The following EYS variants were observed in gnomAD, a reference collection of about 807,000 sequenced individuals.
EYS encodes EGF-like photoreceptor maintenance factor.
In EYS, 250 loss-of-function variants were observed where a neutral mutation model predicts 282.1. The ratio of observed to expected loss-of-function variants is 0.89; its 90% CI spans 0.80 to 0.98. EYS has a LOEUF of 0.98. Among genes scored for constraint, EYS ranks in the 50% least tolerant of loss-of-function variants. The probability of loss-of-function intolerance (pLI) is 0.00; values close to 1 mark genes in which losing one functional copy is unlikely to be tolerated. For synonymous variants in EYS, 1,355 were observed against 1,282.9 expected (o/e 1.06, Z -1.20); for missense variants, 4,016 against 3,709.0 (o/e 1.08, Z -2.15).
intron 22 of EYS, among the ~76,000 whole-genome samples, chr6:64,683,820 A>G (rs1206994562): frequency 6.6e-6 from 1 of 152,190 alleles, no homozygotes; most frequent in Non-Finnish European, 1.5e-5. Context: ...AAATTCCACT[A>G]GGGTTGGGAC....
intron 34 of EYS, among the ~76,000 whole-genome samples, chr6:63,996,125 A>G (rs1482934333): frequency 6.6e-6 from 1 of 152,028 alleles, no homozygotes; most frequent in Non-Finnish European, 1.5e-5. Flanking sequence ...ATATGTGTAG[A>G]TATTATGGAA....
chr6:64,996,310 G>GTGA (rs1338742909), intron 14 of EYS, among the ~76,000 whole-genome samples: 4 of 152,112 alleles, frequency 2.6e-5, no homozygotes, highest in African/African-American at 7.2e-5. Flanking sequence ...GTAGTTAATA[G>GTGA]TGATAGTCTA....
At chr6:64,908,088 G>C (rs1213436455) in intron 16 of EYS, among the ~76,000 whole-genome samples, 1 of 152,172 alleles carries the variant, frequency 6.6e-6, no homozygotes, top group Admixed American at 6.5e-5. Context: ...CATCCCTTGT[G>C]CATATTTCTG....
In EYS at chr6:65,494,944, G is replaced by C. The variant is rs1338110381; in HGVS notation, c.467C>G (p.Pro156Arg). Residue 156 changes from proline to arginine, a missense_variant, in exon 4 of 43, where the codon CCA (proline) becomes CGA (arginine). Transcript: ENST00000503581. ...HYFITVMASG[P>R]SPCPLGLRLN... ...TCGAAGTCCCAGTGGACAAGGTGAT[G>C]GACCACTTGCCATAACTGTGATAAA... The C allele has an allele frequency of 2.5e-6, 4 of 1,614,112 alleles. No individual in the cohort carries two copies. In the South Asian group the frequency reaches 4.4e-5, roughly 18 times the overall value.
intron 15 of EYS, among the ~76,000 whole-genome samples, chr6:64,933,170 G>A (rs967514958): frequency 9.2e-5 from 14 of 152,054 alleles, no homozygotes; most frequent in African/African-American, 3.4e-4. Flanking sequence ...ATTAAGGAAA[G>A]TAGGAGATTG....
intron 33 of EYS, among the ~76,000 whole-genome samples, chr6:64,041,301 A>T (rs889534521): frequency 6.6e-6 from 1 of 152,170 alleles, no homozygotes; most frequent in Non-Finnish European, 1.5e-5. Flanking sequence ...GAACTAAAGT[A>T]GACTAAAATA....
chr6:65,601,381 G>A (rs2149790210), intron 2 of EYS, among the ~76,000 whole-genome samples: 1 of 151,840 alleles, frequency 6.6e-6, no homozygotes, highest in East Asian at 1.9e-4. Context: ...CCTCTTATCA[G>A]TCCCCATACA....
intron 26 of EYS, among the ~76,000 whole-genome samples, chr6:64,582,417 A>G (rs34110331): frequency 0.1 from 15,359 of 152,100 alleles, 931 homozygotes; most frequent in East Asian, 0.17. Flanking sequence ...CTAGCCCCCC[A>G]TGGAAAAACT....
chr6:64,021,283 C>T (rs183468648), intron 33 of EYS, among the ~76,000 whole-genome samples: 21 of 152,124 alleles, frequency 1.4e-4, no homozygotes, highest in Admixed American at 4.6e-4. Context: ...CTGGATTCAA[C>T]GCCACACATG....
intron 2 of EYS, among the ~76,000 whole-genome samples, chr6:65,504,762 T>C (rs1344564433): frequency 6.6e-6 from 1 of 151,598 alleles, no homozygotes; most frequent in Non-Finnish European, 1.5e-5. Flanking sequence ...TTTATTTCTA[T>C]AATAAATAAA....
chr6:63,769,244 T>TTAGC (rs1315420950), intron 40 of EYS, among the ~76,000 whole-genome samples: 2 of 152,040 alleles, frequency 1.3e-5, no homozygotes, highest in Non-Finnish European at 2.9e-5. Flanking sequence ...AACCCCACTT[T>TTAGC]TAGCTAGACT....
chr6:64,377,378 G>A (rs1419371789), intron 29 of EYS, among the ~76,000 whole-genome samples: 1 of 152,108 alleles, frequency 6.6e-6, no homozygotes, highest in Non-Finnish European at 1.5e-5. Context: ...CAAAACAATG[G>A]TTTGGGTAAA....
At chr6:64,242,959 C>A (rs1440684338) in intron 30 of EYS, among the ~76,000 whole-genome samples, 1 of 142,174 alleles carries the variant, frequency 7.0e-6, no homozygotes, top group Non-Finnish European at 1.5e-5. Flanking sequence ...ATTATATATA[C>A]AATATATAAA....
intron 19 of EYS, among the ~76,000 whole-genome samples, chr6:64,864,881 C>T (rs1436174460): frequency 6.6e-6 from 1 of 151,612 alleles, no homozygotes; most frequent in Non-Finnish European, 1.5e-5. Context: ...ACTAAAAATA[C>T]AAAAATTAGC....
chr6:64,591,673 TAAGGAAGACATG>T lies in EYS; in HGVS notation c.4182_4193del (p.Ser1397_Ser1400del), dbSNP rs1403371903. The T allele has an allele frequency of 6.4e-7, 1 of 1,551,242 alleles. No individual in the cohort carries two copies. Among genetic ancestry groups the T allele is most frequent in the East Asian group, 2.4e-5 (1 of 40,898 alleles). On this transcript the variant is annotated inframe_deletion, in exon 26 of 43. Coordinates refer to ENST00000503581, the MANE Select transcript of EYS (RefSeq NM_001142800.2). The stretch of plus-strand genomic sequence containing the variant: ...GTGTAGGAAAAATAAAATCTGACAT[TAAGGAAGACATG>T]ATAAATGGGGTCCTTGCTCTCCTAT...
At chr6:64,795,045 T>C (rs1031724376) in intron 22 of EYS, among the ~76,000 whole-genome samples, 1 of 151,912 alleles carries the variant, frequency 6.6e-6, no homozygotes, top group East Asian at 1.9e-4. Context: ...GACTAGCCTG[T>C]CCAACATGGT....
intron 5 of EYS, among the ~76,000 whole-genome samples, chr6:65,422,606 G>T (rs1186225513): frequency 6.6e-6 from 1 of 151,748 alleles, no homozygotes; most frequent in East Asian, 1.9e-4. Context: ...CAAAAAAACT[G>T]CTGCTACCTA....
At chr6:65,290,561 T>A (rs1768496598) in intron 12 of EYS, among the ~76,000 whole-genome samples, 2 of 151,434 alleles carry the variant, frequency 1.3e-5, no homozygotes, top group South Asian at 4.1e-4. Flanking sequence ...AAGGAATTTT[T>A]AAAATGTTTG....
intron 11 of EYS, among the ~76,000 whole-genome samples, chr6:65,311,212 A>G (rs1414120367): frequency 6.6e-6 from 1 of 152,188 alleles, no homozygotes; most frequent in African/African-American, 2.4e-5. Flanking sequence ...ATATATAACT[A>G]AAAGGGTTGG....
Sources: allele counts gnomAD v4.1 joint callset (sites outside exome capture counted in the v4.1 genomes callset), GRCh38; gene constraint gnomAD v4.1.1; transcripts MANE v1.5; gene names NCBI Gene and HGNC (gene_info 2026-07-23, HGNC 2026-07-21).